AKAP19: variants seen among roughly 807,000 people sequenced by gnomAD.
The protein encoded by AKAP19 is small A-kinase anchoring protein.
At chr2:190,073,868 T>C in the AKAP19 span, among the ~76,000 whole-genome samples, 9 of 151,868 alleles carry the variant, frequency 5.9e-5, no homozygotes, top group Non-Finnish European at 8.8e-5. Flanking sequence ...CTGGCTAACA[T>C]GGTGAAACCC....
At chr2:190,134,947 C>T in the AKAP19 span, among the ~76,000 whole-genome samples, 657 of 152,064 alleles carry the variant, frequency 4.3e-3, 2 homozygotes, top group Middle Eastern at 0.027. Flanking sequence ...GATATTATAA[C>T]TCTTCAAAGC....
the AKAP19 span, among the ~76,000 whole-genome samples, chr2:190,195,973 T>C: frequency 9.8e-5 from 13 of 133,200 alleles, no homozygotes; most frequent in South Asian, 3.2e-3. Flanking sequence ...GGCATATGGA[T>C]GATTTGTTTG....
the AKAP19 span, among the ~76,000 whole-genome samples, chr2:189,933,801 T>C: frequency 6.6e-6 from 1 of 152,118 alleles, no homozygotes; most frequent in Admixed American, 6.5e-5. Context: ...TCTTTAGGCT[T>C]ATTTCTTTGT....
chr2:189,983,600 C>T, the AKAP19 span, among the ~76,000 whole-genome samples: 2 of 152,246 alleles, frequency 1.3e-5, no homozygotes, highest in African/African-American at 4.8e-5. Flanking sequence ...CTGCCCACTT[C>T]AATGATTGGT....
the AKAP19 span, among the ~76,000 whole-genome samples, chr2:189,986,561 G>C: frequency 1.3e-5 from 2 of 152,064 alleles, no homozygotes; most frequent in East Asian, 1.9e-4. Context: ...CAAAATTTAG[G>C]GCTTAGTAGT....
the AKAP19 span, among the ~76,000 whole-genome samples, chr2:190,020,476 A>AT: frequency 2.6e-4 from 39 of 152,112 alleles, no homozygotes; most frequent in African/African-American, 8.9e-4. Context: ...GTCCAGGTTT[A>AT]TTTTTTGCAG....
the AKAP19 span, chr2:189,930,887 G>C: frequency 1.4e-6 from 1 of 720,320 alleles, no homozygotes; most frequent in Non-Finnish European, 2.5e-6. Context: ...GCTGGAACCT[G>C]TTCCTGATAT....
the AKAP19 span, among the ~76,000 whole-genome samples, chr2:190,005,816 T>G: frequency 6.6e-6 from 1 of 152,202 alleles, no homozygotes; most frequent in Non-Finnish European, 1.5e-5. Context: ...TATTAAAATA[T>G]TTTTCAGTGT....
At chr2:190,004,380 C>T in the AKAP19 span, among the ~76,000 whole-genome samples, 2 of 152,072 alleles carry the variant, frequency 1.3e-5, no homozygotes, top group African/African-American at 2.4e-5. Flanking sequence ...CAAAGTCCTC[C>T]CCTAGTGTTA....
At chr2:189,914,260 A>G in the AKAP19 span, among the ~76,000 whole-genome samples, 1 of 152,090 alleles carries the variant, frequency 6.6e-6, no homozygotes, top group Non-Finnish European at 1.5e-5. Flanking sequence ...TCTAATCTTA[A>G]AGTGTTTCAT....
At chr2:190,070,013 A>G in the AKAP19 span, among the ~76,000 whole-genome samples, 1 of 152,222 alleles carries the variant, frequency 6.6e-6, no homozygotes. Context: ...TTGAAGCACC[A>G]AGTACTTCTT....
chr2:189,900,094 A>G, the AKAP19 span, among the ~76,000 whole-genome samples: 1 of 152,198 alleles, frequency 6.6e-6, no homozygotes, highest in Non-Finnish European at 1.5e-5. Context: ...TAGAATCACT[A>G]TCTTGCTTGC....
chr2:190,069,171 T>TGA, the AKAP19 span, among the ~76,000 whole-genome samples: 160 of 129,266 alleles, frequency 1.2e-3, no homozygotes, highest in Middle Eastern at 3.8e-3. Flanking sequence ...TGTGTGTGTG[T>TGA]GTGTGAGAGA....
At chr2:190,189,231 G>A in the AKAP19 span, among the ~76,000 whole-genome samples, 1 of 152,200 alleles carries the variant, frequency 6.6e-6, no homozygotes, top group Non-Finnish European at 1.5e-5. Flanking sequence ...TAACTTCAAA[G>A]ATGGGACAGA....
At chr2:190,200,399 GCT>G in the AKAP19 span, 1 of 405,442 alleles carries the variant, frequency 2.5e-6, no homozygotes, top group Admixed American at 3.9e-5. Flanking sequence ...CCAATAATCA[GCT>G]GAATGTCACA....
At chr2:190,102,265 A>T in the AKAP19 span, among the ~76,000 whole-genome samples, 1 of 152,130 alleles carries the variant, frequency 6.6e-6, no homozygotes, top group African/African-American at 2.4e-5. Context: ...GATCTAACAT[A>T]CACCTTGAGG....
At chr2:190,098,894 C>T in the AKAP19 span, among the ~76,000 whole-genome samples, 1 of 152,214 alleles carries the variant, frequency 6.6e-6, no homozygotes, top group East Asian at 1.9e-4. Context: ...TGCTTCTTTC[C>T]TTAAACCTCA....
the AKAP19 span, chr2:190,060,225 T>C: frequency 6.2e-7 from 1 of 1,613,158 alleles, no homozygotes; most frequent in Non-Finnish European, 8.5e-7. Flanking sequence ...TGGGTTCATG[T>C]CAAGTTTCAG....
chr2:189,890,309 C>A, the AKAP19 span, among the ~76,000 whole-genome samples: 2 of 152,116 alleles, frequency 1.3e-5, no homozygotes, highest in East Asian at 1.9e-4. Context: ...TATTTCTGTT[C>A]TTTTGCATTT....
Sources: gnomAD v4.1 joint callset for allele counts (sites outside exome capture counted in the v4.1 genomes callset) on GRCh38, gnomAD v4.1.1 for gene constraint, MANE v1.5 for transcripts, NCBI Gene and HGNC (gene_info 2026-07-23, HGNC 2026-07-21) for gene names.